The following STX8 variants were observed in gnomAD, a reference collection of about 807,000 sequenced individuals.
STX8 encodes the protein syntaxin-8.
A neutral mutation model predicts 37.5 loss-of-function variants in STX8; 23 were observed. The observed-to-expected ratio is 0.61, with a 90% CI of 0.44 to 0.87. The LOEUF is 0.87. Among genes scored for constraint, STX8 ranks in the 40% least tolerant of loss-of-function variants. STX8 has a pLI of 0.00. For missense variants in STX8, 313 were observed against 284.7 expected, an observed-to-expected ratio of 1.10 and a Z score of -0.71; for synonymous variants, 115 against 99.1, an observed-to-expected ratio of 1.16 and a Z score of -0.95.
Position 9,294,716 on chromosome 17 carries a change from C to T in STX8, c.644-44071G>A, listed in dbSNP as rs542077014. Among the ~76,000 whole-genome samples, 6 of 152,286 alleles carry T rather than the reference C, an allele frequency of 3.9e-5. No individual in the cohort carries two copies. The South Asian group carries it at 1.2e-3, about 32-fold the overall frequency. On this transcript the variant is annotated intron_variant, in intron 7 of 7. Transcript: ENST00000306357. ...AAGCATTATGGACTGAATCGTATCA[C>T]CCCAACATTCATATGTTGAAGCCCA... is the stretch of plus-strand genomic sequence containing the variant.
intron 1 of STX8, among the ~76,000 whole-genome samples, chr17:9,571,774 G>C (rs1907700346): frequency 6.6e-6 from 1 of 151,718 alleles, no homozygotes; most frequent in Non-Finnish European, 1.5e-5. Context: ...AATTAGCCGG[G>C]CATGGTGGCG....
At chr17:9,469,504 G>A (rs1905759171) in intron 6 of STX8, among the ~76,000 whole-genome samples, 1 of 152,040 alleles carries the variant, frequency 6.6e-6, no homozygotes, top group Admixed American at 6.6e-5. Context: ...GAAGAAATAG[G>A]ATCACCTTAT....
At chr17:9,270,024 T>C (rs1907391815) in intron 7 of STX8, among the ~76,000 whole-genome samples, 1 of 152,254 alleles carries the variant, frequency 6.6e-6, no homozygotes. Flanking sequence ...ATTGGATTCA[T>C]GATTTACCTT....
chr17:9,451,509 G>T (rs553825544), intron 6 of STX8, among the ~76,000 whole-genome samples: 1 of 152,066 alleles, frequency 6.6e-6, no homozygotes, highest in African/African-American at 2.4e-5. Context: ...AGGGTTCGTG[G>T]TGTCTAATGA....
chr17:9,500,464 T>A (rs1204630519), intron 5 of STX8, among the ~76,000 whole-genome samples: 2 of 152,034 alleles, frequency 1.3e-5, no homozygotes, highest in Non-Finnish European at 2.9e-5. Flanking sequence ...AGCATTTTCC[T>A]CGAGTTGAGA....
At chr17:9,306,477 C>T (rs11651668) in intron 7 of STX8, among the ~76,000 whole-genome samples, 34,119 of 151,498 alleles carry the variant, frequency 0.23, 5,001 homozygotes, top group African/African-American at 0.41. Context: ...GGGCCAGGTA[C>T]GGTATCTCAC....
intron 4 of STX8, among the ~76,000 whole-genome samples, chr17:9,539,966 T>A (rs145780944): frequency 1.6e-3 from 246 of 152,306 alleles, no homozygotes; most frequent in Non-Finnish European, 3.0e-3. Context: ...ACATGTCATA[T>A]AATGAACAAG....
intron 7 of STX8, among the ~76,000 whole-genome samples, chr17:9,349,617 G>A (rs148958297): frequency 5.9e-5 from 9 of 152,010 alleles, no homozygotes; most frequent in East Asian, 1.9e-4. Context: ...CCACCACGCC[G>A]GGCTGATAAA....
At chr17:9,414,944 C>T (rs1159904548) in intron 6 of STX8, among the ~76,000 whole-genome samples, 4 of 152,062 alleles carry the variant, frequency 2.6e-5, no homozygotes, top group Non-Finnish European at 5.9e-5. Context: ...GCACCCGCCA[C>T]CATGCCCAGC....
intron 6 of STX8, among the ~76,000 whole-genome samples, chr17:9,419,972 GTT>G (rs1913363165): frequency 6.6e-6 from 1 of 152,180 alleles, no homozygotes; most frequent in Non-Finnish European, 1.5e-5. Context: ...AACTACTGTG[GTT>G]TATTGTGCAG....
At chr17:9,331,253 C>T (rs1446860270) in intron 7 of STX8, among the ~76,000 whole-genome samples, 1 of 152,130 alleles carries the variant, frequency 6.6e-6, no homozygotes, top group Non-Finnish European at 1.5e-5. Flanking sequence ...TGTTACGCAA[C>T]GATATTAAAA....
At chr17:9,278,033 C>T (rs187179007) in intron 7 of STX8, among the ~76,000 whole-genome samples, 31 of 152,174 alleles carry the variant, frequency 2.0e-4, no homozygotes, top group East Asian at 3.9e-4. Flanking sequence ...GAGACTGGAC[C>T]GGAGGGTATG....
chr17:9,465,344 C>T (rs1175699095), intron 6 of STX8, among the ~76,000 whole-genome samples: 6 of 152,168 alleles, frequency 3.9e-5, no homozygotes, highest in Non-Finnish European at 7.3e-5. Flanking sequence ...AAAATGGCAA[C>T]GTGCTGCTGT....
chr17:9,371,478 G>A (rs1485773370), intron 7 of STX8, among the ~76,000 whole-genome samples: 3 of 152,158 alleles, frequency 2.0e-5, no homozygotes, highest in African/African-American at 7.2e-5. Flanking sequence ...ATGTGGCTTT[G>A]CACTTGAGAA....
chr17:9,377,029 A>C (rs1482281367), intron 7 of STX8, among the ~76,000 whole-genome samples: 1 of 152,130 alleles, frequency 6.6e-6, no homozygotes, highest in Non-Finnish European at 1.5e-5. Flanking sequence ...AAGGGTCTCA[A>C]GGAGACCCCA....
intron 3 of STX8, chr17:9,553,677 A>G (rs1375868437): frequency 2.0e-5 from 3 of 152,218 alleles, no homozygotes; most frequent in African/African-American, 7.2e-5. Context: ...CTAATAAACC[A>G]CAATGAACAC....
intron 5 of STX8, among the ~76,000 whole-genome samples, chr17:9,504,608 A>G (rs2872835): frequency 0.71 from 107,934 of 151,526 alleles, 38,689 homozygotes; most frequent in Middle Eastern, 0.85. Flanking sequence ...TGAGGCACAC[A>G]CCAAAAGCTT....
At chr17:9,395,493 G>A (rs554447014) in intron 6 of STX8, among the ~76,000 whole-genome samples, 9 of 151,636 alleles carry the variant, frequency 5.9e-5, no homozygotes, top group South Asian at 4.2e-4. Context: ...CAAGAGAATC[G>A]CTTGAACCTG....
chr17:9,259,671 C>T (rs888596199), intron 7 of STX8, among the ~76,000 whole-genome samples: 7 of 152,156 alleles, frequency 4.6e-5, no homozygotes, highest in South Asian at 4.2e-4. Context: ...CAAGTGGACA[C>T]CAGGTGAGAG....
Sources: gnomAD v4.1 joint callset for allele counts (sites outside exome capture counted in the v4.1 genomes callset) on GRCh38, gnomAD v4.1.1 for gene constraint, MANE v1.5 for transcripts, NCBI Gene and HGNC (gene_info 2026-07-23, HGNC 2026-07-21) for gene names.